The following DDX25 variants were observed in gnomAD, a reference collection of about 807,000 sequenced individuals.
DDX25 encodes the protein DEAD-box helicase 25.
In DDX25, 70 loss-of-function variants were observed where a neutral mutation model predicts 64.6. The observed-to-expected ratio is 1.08, with a 90% confidence interval of 0.89 to 1.32. The LOEUF (loss-of-function observed/expected upper bound fraction) is 1.32. Ranked by LOEUF, DDX25 falls within the 40% of genes most tolerant of loss-of-function variation. The pLI, the probability that DDX25 is intolerant of heterozygous loss-of-function variation, is 0.00. For synonymous variants in DDX25, 211 were observed against 213.3 expected (o/e 0.99, Z 0.09); for missense variants, 587 against 604.4 (o/e 0.97, Z 0.30).
chr11:125,907,845 G>A (rs1257697140), intron 4 of DDX25, among the ~76,000 whole-genome samples: 1 of 152,216 alleles, frequency 6.6e-6, no homozygotes, highest in Non-Finnish European at 1.5e-5. Context: ...AACAGTAAAT[G>A]TCACTTAGTT....
chr11:125,911,374 GGT>G lies in DDX25; in HGVS notation c.689_690del (p.Cys230PhefsTer2). The G allele has an allele frequency of 1.2e-6, 2 of 1,613,752 alleles. No homozygotes were observed. Among genetic ancestry groups the G allele is most frequent in the Non-Finnish European group, 1.7e-6 (2 of 1,179,838 alleles). The stretch of plus-strand genomic sequence containing the variant: ...GGCACTCCTGGGACTGTCCTAGATT[GGT>G]GTTTTAAACTAAAATTGATTGATTT... On this transcript the variant is annotated frameshift_variant, in exon 8 of 12. Coordinates refer to ENST00000263576, the MANE Select transcript of DDX25 (RefSeq NM_013264.5). LOFTEE classifies it high-confidence loss of function.
rs1413621427 is a variant in DDX25 at position 125,927,944 on chromosome 11, C to T, written c.*5063C>T. The T allele has an allele frequency of 6.6e-6, 1 of 152,176 alleles. No homozygotes were observed. Among genetic ancestry groups the T allele is most frequent in the East Asian group, 1.9e-4 (1 of 5,196 alleles). 9.4% of individuals were successfully genotyped at this position (152,176 alleles called of 1,614,324 possible). ...CACAATAGCTACACAGGTGGAGCAA[C>T]ATGAGTCTGAGAAGCTTTGCACAAA... On this transcript the variant is annotated 3_prime_UTR_variant, in exon 12 of 12. Transcript: ENST00000263576.
intron 8 of DDX25, among the ~76,000 whole-genome samples, chr11:125,915,360 A>C (rs974311474): frequency 6.6e-6 from 1 of 152,250 alleles, no homozygotes; most frequent in African/African-American, 2.4e-5. Flanking sequence ...TATTTAACCC[A>C]TTGTATCAAA....
intron 7 of DDX25, 81 bp from the exon 8 acceptor site, chr11:125,911,226 TGAGC>T: frequency 8.3e-7 from 1 of 1,207,744 alleles, no homozygotes; most frequent in African/African-American, 1.6e-5. Context: ...TTTTTGCTTA[TGAGC>T]TTTATATTGC....
In DDX25 at chr11:125,917,000, C is replaced by G. The variant is rs748613880; in HGVS notation, c.801-14C>G. ...GATGGCAGCTTGGTGACAGCCTTCT[C>G]TCCTCTATCACAGAGCTCTACCCTC... On this transcript the variant is annotated splice_polypyrimidine_tract_variant and intron_variant, in intron 8 of 11. Transcript: ENST00000263576. The G allele has an allele frequency of 6.4e-7, 1 of 1,573,264 alleles. No homozygotes were observed. Among genetic ancestry groups the G allele is most frequent in the Admixed American group, 1.9e-5 (1 of 53,620 alleles).
In DDX25 at chr11:125,925,595, G is replaced by A; in HGVS notation, c.*2714G>A. 1 of 395,684 alleles carries A rather than the reference G, an allele frequency of 2.5e-6. No homozygotes were observed. Among genetic ancestry groups the A allele is most frequent in the South Asian group, 1.8e-5 (1 of 55,448 alleles). 24.5% of individuals were successfully genotyped at this position (395,684 alleles called of 1,614,324 possible). A position where few individuals can be genotyped will look rare whatever the true frequency, so the allele number is the denominator to read the frequency against. Reference sequence around the variant, plus strand: ...CCAGGTGATTTCAGTGCAACTGTGAGCTGGGTTCATCAGCTGTATGTTTCT... The same window carrying A: ...CCAGGTGATTTCAGTGCAACTGTGAACTGGGTTCATCAGCTGTATGTTTCT... On this transcript the variant is annotated 3_prime_UTR_variant, in exon 12 of 12. Transcript: ENST00000263576.
At chr11:125,905,305 C>CCCT in intron 2 of DDX25, 27 bp downstream of exon 2, 1 of 1,549,498 alleles carries the variant, frequency 6.5e-7, no homozygotes, top group Non-Finnish European at 8.7e-7. Flanking sequence ...CAAAGCAGAG[C>CCCT]GACCTCAATG....
rs1413129925 is a variant in DDX25 at position 125,906,137 on chromosome 11, A to T, written c.239A>T (p.His80Leu). ...LIHQSLVESS[H>L]RVEVLQKDPS... ...CATCAATCCTTAGTAGAATCCAGTC[A>T]CCGTGTGGAAGTTTTACAGAAGGAT... Residue 80 changes from histidine to leucine, a missense_variant, in exon 4 of 12, where the codon CAC (histidine) becomes CTC (leucine). Physicochemically the swap from His to Leu is moderately conservative, Grantham distance 99. Transcript: ENST00000263576. 6.4e-7 allele frequency: 1 copy of T among 1,551,348 alleles called. No homozygotes were observed. Among genetic ancestry groups the T allele is most frequent in the East Asian group, 2.4e-5 (1 of 40,890 alleles).
Position 125,925,569 on chromosome 11 carries a change from A to T in DDX25, c.*2688A>T. On this transcript the variant is annotated 3_prime_UTR_variant, in exon 12 of 12. Transcript: ENST00000263576. ...AGAGTAGATAGAGAGGCAAGGAAAC[A>T]CCAGGTGATTTCAGTGCAACTGTGA... The T allele has an allele frequency of 2.4e-6, 1 of 420,986 alleles. No individual in the cohort carries two copies. Among genetic ancestry groups the T allele is most frequent in the Non-Finnish European group, 4.9e-6 (1 of 202,608 alleles). The allele number at this position is 420,986 out of a possible 1,614,324, so 26.1% of individuals were successfully genotyped here.
At chr11:125,907,537 G>A (rs893952553) in intron 4 of DDX25, among the ~76,000 whole-genome samples, 17 of 152,144 alleles carry the variant, frequency 1.1e-4, no homozygotes, top group Admixed American at 5.9e-4. Flanking sequence ...GAACCCGGGA[G>A]GTGGAGCTTG....
chr11:125,925,183 T>C lies in DDX25; in HGVS notation c.*2302T>C. ...CCGTGCTCAGCTCCGCCTTGGGGTG[T>C]CCTAAATAAAACTTTACCACTTTCC... On this transcript the variant is annotated 3_prime_UTR_variant, in exon 12 of 12. Transcript: ENST00000263576. The C allele has an allele frequency of 3.0e-6, 1 of 327,932 alleles. No individual in the cohort carries two copies. The highest frequency in any genetic ancestry group is 6.1e-6 in the Non-Finnish European group (1 of 163,662). 20.3% of individuals were successfully genotyped at this position (327,932 alleles called of 1,614,324 possible). A position where few individuals can be genotyped will look rare whatever the true frequency, so the allele number is the denominator to read the frequency against.
chr11:125,913,743 C>T (rs376776128), intron 8 of DDX25, among the ~76,000 whole-genome samples: 1 of 152,008 alleles, frequency 6.6e-6, no homozygotes, highest in Non-Finnish European at 1.5e-5. Context: ...ACACATACTG[C>T]ACCCTTTCAT....
chr11:125,907,393 G>A (rs1488072302), intron 4 of DDX25, among the ~76,000 whole-genome samples: 3 of 152,150 alleles, frequency 2.0e-5, no homozygotes, highest in Non-Finnish European at 2.9e-5. Context: ...CGGATCACGA[G>A]GTCAGGAGAT....
chr11:125,922,836 A>G lies in DDX25; in HGVS notation c.1407A>G (p.Gln469=). 1 of 1,609,802 alleles carries G rather than the reference A, an allele frequency of 6.2e-7. No homozygotes were observed. The highest frequency in any genetic ancestry group is 8.5e-7 in the Non-Finnish European group (1 of 1,177,772). ...TTCTTTTAGACAGCAGTATTAAGCA[A>G]CTCAACGCTGAAGACATGGATGAAA... ...IQDHFNSSIK[Q]LNAEDMDEIE... The change falls in exon 12 of 12, where the codon CAA becomes CAG. Residue 469 remains glutamine, a synonymous_variant. Transcript: ENST00000263576.
intron 8 of DDX25, 32 bp downstream of exon 8, chr11:125,911,520 C>T: frequency 6.3e-7 from 1 of 1,596,402 alleles, no homozygotes; most frequent in Non-Finnish European, 8.5e-7. Flanking sequence ...TCTTCCTCAG[C>T]CTTCTGTCCA....
intron 9 of DDX25, 130 bp from the exon 10 acceptor site, chr11:125,918,498 A>T: frequency 3.3e-6 from 4 of 1,229,432 alleles, no homozygotes; most frequent in Non-Finnish European, 4.4e-6. Context: ...TGGAGGACTG[A>T]GGGAGAGGTG....
In DDX25 at chr11:125,921,121, A is replaced by G; in HGVS notation, c.1202-70A>G. The G allele has an allele frequency of 1.4e-6, 2 of 1,415,424 alleles. No individual in the cohort carries two copies. Among genetic ancestry groups the G allele is most frequent in the Non-Finnish European group, 1.9e-6 (2 of 1,059,660 alleles). 87.7% of individuals were successfully genotyped at this position (1,415,424 alleles called of 1,614,324 possible). A position where few individuals can be genotyped will look rare whatever the true frequency, so the allele number is the denominator to read the frequency against. ...CTATAAATAGGAATTCCCTTGGCAG[A>G]CGTGGTACTTGAATGGCCCGTGTAC... On this transcript the variant is annotated intron_variant, in intron 10 of 11. Coordinates refer to ENST00000263576, the MANE Select transcript of DDX25 (RefSeq NM_013264.5). The surrounding 1 kb of genome is among the most constrained non-coding windows in gnomAD (Gnocchi z 4.1).
intron 6 of DDX25, among the ~76,000 whole-genome samples, 193 bp downstream of exon 6, chr11:125,908,696 G>A (rs921588999): frequency 1.3e-5 from 2 of 152,140 alleles, no homozygotes; most frequent in Non-Finnish European, 2.9e-5. Flanking sequence ...ATAGTCTTGA[G>A]TGGTTTCAAT....
Position 125,910,353 on chromosome 11 carries a change from C to G in DDX25, c.508-11C>G, listed in dbSNP as rs374214015. ...ACCTTTCTCCTCCCCTCTTCTCTCTCTATCCCACAGTGCCTCTGCCTAGCT... is the reference window on the plus strand; with the variant it reads ...ACCTTTCTCCTCCCCTCTTCTCTCTGTATCCCACAGTGCCTCTGCCTAGCT... On this transcript the variant is annotated splice_polypyrimidine_tract_variant and intron_variant, in intron 6 of 11. Coordinates refer to ENST00000263576, the MANE Select transcript of DDX25 (RefSeq NM_013264.5). The G allele has an allele frequency of 4.2e-5, 67 of 1,612,572 alleles. No individual in the cohort carries two copies. The South Asian group carries it at 6.3e-4, about 15-fold the overall frequency.
Sources: allele counts gnomAD v4.1 joint callset (sites outside exome capture counted in the v4.1 genomes callset), GRCh38; gene constraint gnomAD v4.1.1; non-coding constraint Gnocchi (gnomAD v3.1); transcripts MANE v1.5; gene names NCBI Gene and HGNC (gene_info 2026-07-23, HGNC 2026-07-21).